The following HIP1 variants were observed in gnomAD, a reference collection of about 807,000 sequenced individuals.
HIP1 encodes huntingtin-interacting protein 1.
In HIP1, 65 loss-of-function variants were observed where a neutral mutation model predicts 147.6. The observed-to-expected ratio is 0.44, with a 90% CI of 0.36 to 0.54. The LOEUF (loss-of-function observed/expected upper bound fraction) is 0.54, where lower values mean the gene tolerates loss of function less well. Among genes scored for constraint, HIP1 ranks in the 20% least tolerant of loss-of-function variants. The pLI, the probability that HIP1 is intolerant of heterozygous loss-of-function variation, is 0.00. For synonymous variants in HIP1, 479 were observed against 504.0 expected, an observed-to-expected ratio of 0.95 and a Z score of 0.67; for missense variants, 1,061 against 1,299.6, an observed-to-expected ratio of 0.82 and a Z score of 2.82.
chr7:75,637,540 T>TTTTG (rs1249759627), intron 1 of HIP1, among the ~76,000 whole-genome samples: 3 of 128,012 alleles, frequency 2.3e-5, no homozygotes, highest in African/African-American at 1.0e-4. Flanking sequence ...GAGAGGATTT[T>TTTTG]TTTTTTTTTT....
chr7:75,566,656 G>C (rs782610533), intron 9 of HIP1, among the ~76,000 whole-genome samples: 1 of 151,268 alleles, frequency 6.6e-6, no homozygotes, highest in Admixed American at 6.6e-5. Flanking sequence ...AATTTGGTCC[G>C]ATGCCCAAGC....
chr7:75,615,813 C>T (rs781895457), intron 1 of HIP1, among the ~76,000 whole-genome samples: 59 of 150,350 alleles, frequency 3.9e-4, no homozygotes, highest in Non-Finnish European at 6.8e-4. Flanking sequence ...TGGCCAGGCG[C>T]GGTGGCTCAT....
At chr7:75,590,761 A>G (rs1796474117) in intron 4 of HIP1, among the ~76,000 whole-genome samples, 1 of 152,230 alleles carries the variant, frequency 6.6e-6, no homozygotes, top group African/African-American at 2.4e-5. Flanking sequence ...AAAAAGACCT[A>G]AACTTTACAT....
rs1196044416 is a variant in HIP1 at position 75,592,276 on chromosome 7, C to T, written c.327+96G>A. The T allele has an allele frequency of 2.0e-6, 3 of 1,465,098 alleles. No homozygotes were observed. In the African/African-American group the frequency reaches 4.2e-5, roughly 20 times the overall value. 90.8% of individuals were successfully genotyped at this position (1,465,098 alleles called of 1,614,324 possible). A position where few individuals can be genotyped will look rare whatever the true frequency, so the allele number is the denominator to read the frequency against. ...GAACCCAAAGGCCAGGAGAAGGGGG[C>T]AGTGTGGGAGAGGACAGCAGCCTCT... On this transcript the variant is annotated intron_variant, in intron 3 of 30. Transcript: ENST00000336926.
At chr7:75,696,196 C>T (rs1424459345) in intron 1 of HIP1, among the ~76,000 whole-genome samples, 1 of 151,410 alleles carries the variant, frequency 6.6e-6, no homozygotes, top group Admixed American at 6.6e-5. Flanking sequence ...CTATGTTGCC[C>T]AGGCTGGTCT....
At chr7:75,612,366 AG>A (rs1797472503) in intron 1 of HIP1, among the ~76,000 whole-genome samples, 1 of 151,890 alleles carries the variant, frequency 6.6e-6, no homozygotes, top group Non-Finnish European at 1.5e-5. Context: ...AAAATTAGCC[AG>A]GGGTGGTGGC....
rs1302017731 is a variant in HIP1 at position 75,666,707 on chromosome 7, A to G, written c.121-67460T>C. Among the ~76,000 whole-genome samples, 5 of 152,162 alleles carry G rather than the reference A, an allele frequency of 3.3e-5. 1 individual carries two copies. The South Asian group carries it at 6.2e-4, about 19-fold the overall frequency. On this transcript the variant is annotated intron_variant, in intron 1 of 30. Coordinates refer to ENST00000336926, the MANE Select transcript of HIP1 (RefSeq NM_005338.7). ...GGAAGGCAAGGACGCTGCTTGTCCA[A>G]TGGGAGAAAGTACGGATGTGTTTCA...
At position 75,691,520 on chromosome 7, in the gene HIP1, CG is replaced by C. The variant is rs1349613367; in HGVS notation, c.120+47280del. Among the ~76,000 whole-genome samples the C allele has an allele frequency of 3.3e-5, 5 of 151,164 alleles. No homozygotes were observed. The Admixed American group carries it at 3.3e-4, about 10-fold the overall frequency. On this transcript the variant is annotated intron_variant, in intron 1 of 30. Coordinates refer to ENST00000336926, the MANE Select transcript of HIP1 (RefSeq NM_005338.7). ...AAACAAAAAACTTCCAGAATAGGGC[CG>C]GGCGCGGTGGCTCATGCCTGTAATC...
intron 1 of HIP1, among the ~76,000 whole-genome samples, chr7:75,613,433 A>C (rs75937060): frequency 0.024 from 3,612 of 152,080 alleles, 176 homozygotes; most frequent in East Asian, 0.22. Flanking sequence ...AAATAATAAT[A>C]ATCATCATAG....
rs587722074 is a variant in HIP1 at position 75,553,917 on chromosome 7, G to C, written c.2158+196C>G. Among the ~76,000 whole-genome samples the C allele has an allele frequency of 2.3e-4, 35 of 152,170 alleles. 1 individual carries two copies. The South Asian group carries it at 7.3e-3, about 32-fold the overall frequency. On this transcript the variant is annotated intron_variant, in intron 21 of 30. Coordinates refer to ENST00000336926, the MANE Select transcript of HIP1 (RefSeq NM_005338.7). ...CCATTGCATCTGGCCCATCGTTTTT[G>C]TATCTTTAGTAGAGATGGGGTTTTG...
intron 1 of HIP1, among the ~76,000 whole-genome samples, chr7:75,616,120 A>C (rs1797652589): frequency 6.6e-6 from 1 of 151,276 alleles, no homozygotes; most frequent in African/African-American, 2.4e-5. Context: ...AAGATAAGAA[A>C]AGAAAAGAAA....
At chr7:75,670,044 A>C (rs979785968) in intron 1 of HIP1, among the ~76,000 whole-genome samples, 6 of 152,062 alleles carry the variant, frequency 3.9e-5, no homozygotes, top group Admixed American at 6.5e-5. Context: ...CAGGTGATCC[A>C]CCTGCCTCAG....
At chr7:75,650,036 C>T (rs1322163152) in intron 1 of HIP1, among the ~76,000 whole-genome samples, 3 of 152,096 alleles carry the variant, frequency 2.0e-5, no homozygotes, top group Non-Finnish European at 2.9e-5. Flanking sequence ...CCAGGTGCAC[C>T]CCCAGAGCCT....
intron 8 of HIP1, among the ~76,000 whole-genome samples, chr7:75,573,020 G>A (rs1795702972): frequency 6.6e-6 from 1 of 152,230 alleles, no homozygotes; most frequent in Non-Finnish European, 1.5e-5. Context: ...GCGGGAGGCA[G>A]ACAGATTCCT....
At chr7:75,627,613 A>T (rs144185492) in intron 1 of HIP1, among the ~76,000 whole-genome samples, 20 of 152,278 alleles carry the variant, frequency 1.3e-4, no homozygotes, top group African/African-American at 4.8e-4. Context: ...TTACTTGGGT[A>T]GGGCTGAGAG....
At chr7:75,645,809 G>A (rs1486090359) in intron 1 of HIP1, among the ~76,000 whole-genome samples, 1 of 152,180 alleles carries the variant, frequency 6.6e-6, no homozygotes, top group Non-Finnish European at 1.5e-5. Flanking sequence ...TGCAGCTGAA[G>A]GCCATTATCC....
intron 1 of HIP1, among the ~76,000 whole-genome samples, chr7:75,673,712 C>T (rs1291629044): frequency 4.0e-5 from 6 of 150,322 alleles, no homozygotes; most frequent in South Asian, 2.1e-4. Flanking sequence ...GGGCCAGGTG[C>T]GGTGGCTCAT....
At chr7:75,595,338 GTTCT>G (rs1263124889) in intron 2 of HIP1, among the ~76,000 whole-genome samples, 12 of 117,328 alleles carry the variant, frequency 1.0e-4, no homozygotes, top group African/African-American at 2.9e-4. Flanking sequence ...TCTCTCGTTC[GTTCT>G]TTCTTTCTAT....
At position 75,559,689 on chromosome 7, in the gene HIP1, C is replaced by T. The variant is rs782515714; in HGVS notation, c.1375+43G>A. ...GAGTCCAGCTGGGCTCTGCTGCCCGCGCCTGCCCCCGGGGCCCGCCCCCGC... is the reference window on the plus strand; with the variant it reads ...GAGTCCAGCTGGGCTCTGCTGCCCGTGCCTGCCCCCGGGGCCCGCCCCCGC... On this transcript the variant is annotated intron_variant, in intron 14 of 30. Coordinates refer to ENST00000336926, the MANE Select transcript of HIP1 (RefSeq NM_005338.7). 1.2e-5 allele frequency: 16 copies of T among 1,385,714 alleles called. No individual in the cohort carries two copies. In the Admixed American group the frequency reaches 1.9e-4, roughly 16 times the overall value. 85.8% of individuals were successfully genotyped at this position (1,385,714 alleles called of 1,614,324 possible).
Sources: gnomAD v4.1 joint callset for allele counts (sites outside exome capture counted in the v4.1 genomes callset) on GRCh38, gnomAD v4.1.1 for gene constraint, MANE v1.5 for transcripts, NCBI Gene and HGNC (gene_info 2026-07-23, HGNC 2026-07-21) for gene names.